The following USP32 variants were observed in gnomAD, a reference collection of about 807,000 sequenced individuals.
USP32 encodes ubiquitin carboxyl-terminal hydrolase 32.
In USP32, 59 loss-of-function variants were observed where a neutral mutation model predicts 204.8. The ratio of observed to expected loss-of-function variants is 0.29; its 90% CI spans 0.23 to 0.36. The LOEUF is 0.36. USP32 is among the 10% of genes least tolerant of loss of function. The probability of loss-of-function intolerance (pLI) is 1.00; values close to 1 mark genes in which losing one functional copy is unlikely to be tolerated. For synonymous variants in USP32, 517 were observed against 678.4 expected (o/e 0.76, Z 3.70); for missense variants, 1,160 against 1,946.4 (o/e 0.60, Z 7.60).
At chr17:60,333,058 A>C (rs2145971761) in intron 2 of USP32, among the ~76,000 whole-genome samples, 1 of 152,346 alleles carries the variant, frequency 6.6e-6, no homozygotes, top group East Asian at 1.9e-4. Context: ...TGGTATCATA[A>C]TCTTTAAGGA....
intron 2 of USP32, among the ~76,000 whole-genome samples, chr17:60,317,491 G>A (rs1295695882): frequency 6.7e-6 from 1 of 149,862 alleles, no homozygotes; most frequent in East Asian, 2.0e-4. Flanking sequence ...ACTCCAGCCT[G>A]GGTGACAGAG....
At chr17:60,301,176 G>T (rs2087564347) in intron 3 of USP32, among the ~76,000 whole-genome samples, 1 of 152,138 alleles carries the variant, frequency 6.6e-6, no homozygotes, top group Non-Finnish European at 1.5e-5. Flanking sequence ...TTGTGTGTGT[G>T]TGGTAAACAT....
chr17:60,255,502 G>A (rs1439834708), intron 9 of USP32, among the ~76,000 whole-genome samples: 2 of 152,084 alleles, frequency 1.3e-5, no homozygotes, highest in African/African-American at 2.4e-5. Flanking sequence ...GTTTCACTAT[G>A]TTGGCCAGGC....
At chr17:60,393,687 C>CTTT (rs1218263132), upstream of USP32, among the ~76,000 whole-genome samples, 1,311 of 141,794 alleles carry the variant, frequency 9.2e-3, 25 homozygotes, top group African/African-American at 0.032. Flanking sequence ...CTGTGTTTTT[C>CTTT]TTTTTTTTTT....
At chr17:60,365,037 C>T (rs1348406792) in intron 1 of USP32, among the ~76,000 whole-genome samples, 1 of 152,084 alleles carries the variant, frequency 6.6e-6, no homozygotes. Flanking sequence ...AAAGTAAATT[C>T]CTTATGCCTT....
At chr17:60,421,769 G>A in intron 1 of USP32, 3 of 898,242 alleles carry the variant, frequency 3.3e-6, no homozygotes, top group Non-Finnish European at 4.0e-6. Flanking sequence ...CCTCGGCCTC[G>A]GGTCCCTGGA....
intron 9 of USP32, among the ~76,000 whole-genome samples, chr17:60,257,520 C>A (rs1441602629): frequency 6.6e-6 from 1 of 152,148 alleles, no homozygotes; most frequent in Admixed American, 6.5e-5. Flanking sequence ...CACAGGGTCT[C>A]ACTCTATCAC....
Position 60,391,988 on chromosome 17 carries a change from C to T in USP32, c.-49G>A. 6.4e-7 allele frequency: 1 copy of T among 1,569,134 alleles called. No homozygotes were observed. The highest frequency in any genetic ancestry group is 1.8e-5 in the Admixed American group (1 of 55,690). On this transcript the variant is annotated 5_prime_UTR_variant, in exon 1 of 34. It adds an upstream start codon to the 5' untranslated region. Transcript: ENST00000300896. The stretch of plus-strand genomic sequence containing the variant: ...GGGTCGGAGCCTGATCTCGCCCCCA[C>T]CCCCCTCCCGCCTTCTCCTCGGCGT...
In USP32 at chr17:60,223,464, G is replaced by T; in HGVS notation, c.1555C>A (p.Gln519Lys). The T allele has an allele frequency of 1.2e-6, 2 of 1,613,532 alleles. No individual in the cohort carries two copies. The highest frequency in any genetic ancestry group is 1.7e-6 in the Non-Finnish European group (2 of 1,179,892). Residue 519 changes from glutamine (Q) to lysine (K), a missense_variant, in exon 14 of 34, where the codon CAG (glutamine) becomes AAG (lysine). Physicochemically the swap from Gln to Lys is moderately conservative, Grantham distance 53 (BLOSUM62 1). Coordinates refer to ENST00000300896, the MANE Select transcript of USP32 (RefSeq NM_032582.4). ...NGNILLHLNP[Q>K]KPGAIDNQPL... ...TGATTATCAATAGCCCCTGGTTTCT[G>T]AGGGTTAAGGTGCAACAAAATATTC...
chr17:60,231,556 C>A (rs2085549935), intron 12 of USP32: 1 of 517,512 alleles, frequency 1.9e-6, no homozygotes, highest in African/African-American at 1.9e-5. Context: ...CCACTCGTGG[C>A]AGTCCTGACG....
chr17:60,189,242 T>C (rs1282610027), intron 29 of USP32, among the ~76,000 whole-genome samples: 1 of 152,256 alleles, frequency 6.6e-6, no homozygotes, highest in African/African-American at 2.4e-5. Context: ...CCACAAATTA[T>C]ACTTATTTCT....
At chr17:60,408,433 A>G (rs1260560337) in intron 1 of USP32, among the ~76,000 whole-genome samples, 1 of 151,580 alleles carries the variant, frequency 6.6e-6, no homozygotes, top group Admixed American at 6.6e-5. Context: ...GCTGGAGTGC[A>G]GTGGCACGAT....
At chr17:60,397,955 T>C (rs908679426) in intron 1 of USP32, among the ~76,000 whole-genome samples, 1 of 149,560 alleles carries the variant, frequency 6.7e-6, no homozygotes, top group Non-Finnish European at 1.5e-5. Context: ...TTTATGATTC[T>C]AGGTTAAGAT....
At chr17:60,275,784 T>C (rs1264071522) in intron 5 of USP32, among the ~76,000 whole-genome samples, 1 of 152,014 alleles carries the variant, frequency 6.6e-6, no homozygotes, top group Non-Finnish European at 1.5e-5. Context: ...TGATCTTAGC[T>C]CACTGTAACG....
intron 2 of USP32, among the ~76,000 whole-genome samples, chr17:60,307,759 C>T (rs149085831): frequency 6.6e-6 from 1 of 152,094 alleles, no homozygotes; most frequent in Non-Finnish European, 1.5e-5. Context: ...GCCTTGGTGC[C>T]CAAATGTTGC....
At chr17:60,236,375 A>C in intron 11 of USP32, 135 bp from the exon 12 acceptor site, 2 of 599,296 alleles carry the variant, frequency 3.3e-6, no homozygotes, top group Non-Finnish European at 5.8e-6. Context: ...GCCAAAACCC[A>C]ATTAGTAAAA....
chr17:60,320,762 A>G (rs2088094060), intron 2 of USP32, among the ~76,000 whole-genome samples: 1 of 152,248 alleles, frequency 6.6e-6, no homozygotes, highest in Non-Finnish European at 1.5e-5. Context: ...ATAAATAAAA[A>G]TATTTTCAGA....
intron 4 of USP32, 78 bp downstream of exon 4, chr17:60,294,605 A>G: frequency 1.2e-6 from 1 of 855,784 alleles, no homozygotes; most frequent in Non-Finnish European, 1.8e-6. Context: ...TCTGTTTGTC[A>G]TACTTAAAAC....
intron 1 of USP32, among the ~76,000 whole-genome samples, chr17:60,413,861 C>CAAAAAAAAAAAAAAAAAAAA (rs1307789444): frequency 3.2e-5 from 1 of 31,698 alleles, no homozygotes; most frequent in African/African-American, 1.2e-4. Context: ...GATTCTGTCT[C>CAAAAAAAAAAAAAAAAAAAA]AAAAAAAAAA....
Sources: allele counts gnomAD v4.1 joint callset (sites outside exome capture counted in the v4.1 genomes callset), GRCh38; gene constraint gnomAD v4.1.1; transcripts MANE v1.5; gene names NCBI Gene and HGNC (gene_info 2026-07-23, HGNC 2026-07-21).